The following OR2J3 variants were observed in gnomAD, a reference collection of about 807,000 sequenced individuals.
OR2J3 encodes olfactory receptor family 2 subfamily J member 3, also known as olfactory receptor 2J3.
A neutral mutation model predicts 18.5 loss-of-function variants in OR2J3; 13 were observed. The observed-to-expected ratio is 0.70, with a 90% CI of 0.46 to 1.12. OR2J3 has a LOEUF of 1.12. Ranked by LOEUF, OR2J3 falls within the 50% of genes most tolerant of loss-of-function variation. The probability of loss-of-function intolerance (pLI) is 0.00; values close to 1 mark genes in which losing one functional copy is unlikely to be tolerated. For missense variants in OR2J3, 321 were observed against 371.6 expected (o/e 0.86, Z 1.12); for synonymous variants, 142 against 140.6 (o/e 1.01, Z -0.07).
Position 29,108,824 on chromosome 6 carries a change from G to A in OR2J3, c.-62G>A, listed in dbSNP as rs1257166106. On this transcript the variant is annotated splice_region_variant and 5_prime_UTR_variant, in exon 3 of 4. Coordinates refer to ENST00000641151, the MANE Select transcript of OR2J3 (RefSeq NM_001005216.4). ...AGGCTTTTATTTTCTGCTCCACCAG[G>A]AAGAAGAAAATTAACCCAGAAAAAT... is the stretch of plus-strand genomic sequence containing the variant. The A allele has an allele frequency of 6.6e-6, 1 of 152,096 alleles. No homozygotes were observed. Among genetic ancestry groups the A allele is most frequent in the Non-Finnish European group, 1.5e-5 (1 of 68,014 alleles). The allele number at this position is 152,096 out of a possible 1,614,324, so 9.4% of individuals were successfully genotyped here.
At chr6:29,110,855 T>TTATCTATC (rs9280546) in intron 3 of OR2J3, among the ~76,000 whole-genome samples, 6,518 of 149,210 alleles carry the variant, frequency 0.044, 191 homozygotes, top group East Asian at 0.15. Flanking sequence ...ATCTATCTAT[T>TTATCTATC]TATCTATCTA....
At chr6:29,109,284 T>G (rs753680924) in intron 3 of OR2J3, among the ~76,000 whole-genome samples, 1 of 152,198 alleles carries the variant, frequency 6.6e-6, no homozygotes, top group Non-Finnish European at 1.5e-5. Flanking sequence ...TGGATGGTTG[T>G]TTAAGTTGTT....
chr6:29,109,779 A>C (rs1306658056), intron 3 of OR2J3: 1 of 152,178 alleles, frequency 6.6e-6, no homozygotes, highest in Non-Finnish European at 1.5e-5. Context: ...TTTGTAAGAT[A>C]TATTTTATTT....
At position 29,112,789 on chromosome 6, in the gene OR2J3, TA is replaced by T; in HGVS notation, c.901del (p.Arg301GlufsTer4). The T allele has an allele frequency of 6.2e-7, 1 of 1,613,792 alleles. No individual in the cohort carries two copies. Among genetic ancestry groups the T allele is most frequent in the Non-Finnish European group, 8.5e-7 (1 of 1,179,794 alleles). Reference protein sequence around the residue: ...PLIYTLRNKVVRGAVKRLMGW... With the variant: ...PLIYTLRNKVXRGAVKRLMGW... ...ATCTACACCCTCAGAAACAAAGTTG[TA>T]AGAGGGGCAGTGAAGAGACTAATGG... is the stretch of plus-strand genomic sequence containing the variant. On this transcript the variant is annotated frameshift_variant, in exon 4 of 4. Coordinates refer to ENST00000641151, the MANE Select transcript of OR2J3 (RefSeq NM_001005216.4). LOFTEE classifies it high-confidence loss of function.
Position 29,112,160 on chromosome 6 carries a change from C to G in OR2J3, c.270C>G (p.Gly90=). ...SIPQLLVNLW[G]PEKTISYAGC... ...CTCAGTTGCTGGTCAATCTCTGGGG[C>G]CCGGAAAAGACCATCTCTTATGCTG... The change falls in exon 4 of 4, where the codon GGC becomes GGG. Residue 90 remains glycine, a synonymous_variant. Coordinates refer to ENST00000641151, the MANE Select transcript of OR2J3 (RefSeq NM_001005216.4). 1 of 1,614,122 alleles carries G rather than the reference C, an allele frequency of 6.2e-7. No homozygotes were observed. The highest frequency in any genetic ancestry group is 1.1e-5 in the South Asian group (1 of 91,074).
chr6:29,109,746 G>A (rs1762058132), intron 3 of OR2J3: 2 of 151,998 alleles, frequency 1.3e-5, no homozygotes, highest in South Asian at 4.2e-4. Flanking sequence ...TGGAGAAAAA[G>A]CATCACCTAG....
chr6:29,110,147 T>G (rs1459676662), intron 3 of OR2J3, among the ~76,000 whole-genome samples: 1 of 152,212 alleles, frequency 6.6e-6, no homozygotes, highest in Non-Finnish European at 1.5e-5. Context: ...GTTTGAATCT[T>G]TTCAAATTCA....
In OR2J3 at chr6:29,113,650, A is replaced by T. The variant is rs1279831517; in HGVS notation, c.*824A>T. 1 of 152,176 alleles carries T rather than the reference A, an allele frequency of 6.6e-6. No individual in the cohort carries two copies. The highest frequency in any genetic ancestry group is 1.5e-5 in the Non-Finnish European group (1 of 68,020). 9.4% of individuals were successfully genotyped at this position (152,176 alleles called of 1,614,324 possible). A position where few individuals can be genotyped will look rare whatever the true frequency, so the allele number is the denominator to read the frequency against. ...ATAGAGAGGCTCTGAAAATGACTTG[A>T]AGCCAATGGGTGTATGAAAGAATTA... On this transcript the variant is annotated 3_prime_UTR_variant, in exon 4 of 4. Coordinates refer to ENST00000641151, the MANE Select transcript of OR2J3 (RefSeq NM_001005216.4).
chr6:29,112,061 T>C lies in OR2J3; in HGVS notation c.171T>C (p.His57=). The stretch of plus-strand genomic sequence containing the variant: ...TCATCCTGTCATACCTGGACTCCCA[T>C]CTGCACACACCAATGTACTTCTTCC... ...FIIILSYLDS[H]LHTPMYFFLS... The change falls in exon 4 of 4, where the codon CAT becomes CAC. Residue 57 remains histidine (H), a synonymous_variant. Coordinates refer to ENST00000641151, the MANE Select transcript of OR2J3 (RefSeq NM_001005216.4). 3.1e-6 allele frequency: 5 copies of C among 1,614,112 alleles called. No homozygotes were observed. The highest frequency in any genetic ancestry group is 4.2e-6 in the Non-Finnish European group (5 of 1,180,026).
rs9280546 is a variant in OR2J3 at position 29,110,855 on chromosome 6, TTATCTATCTATCTATC to T, written c.-10-999_-10-984del. Among the ~76,000 whole-genome samples the T allele has an allele frequency of 7.6e-3, 1,132 of 149,254 alleles. 12 individuals are homozygous for T. Among genetic ancestry groups the T allele is most frequent in the South Asian group, 0.045 (208 of 4,656 alleles). ...TATCATCTATCAACTATCTATCTAT[TTATCTATCTATCTATC>T]TATCTATCTATCTATCTATCTATCT... is the stretch of plus-strand genomic sequence containing the variant. On this transcript the variant is annotated intron_variant, in intron 3 of 3. Transcript: ENST00000641151.
In OR2J3 at chr6:29,112,887, C is replaced by G. The variant is rs970926639; in HGVS notation, c.*61C>G. 2.0e-6 allele frequency: 3 copies of G among 1,513,356 alleles called. No homozygotes were observed. The highest frequency in any genetic ancestry group is 2.6e-6 in the Non-Finnish European group (3 of 1,134,324). 93.7% of individuals were successfully genotyped at this position (1,513,356 alleles called of 1,614,324 possible). On this transcript the variant is annotated 3_prime_UTR_variant, in exon 4 of 4. Transcript: ENST00000641151. ...TCTCCCCTCACAATGATTCATCCTT[C>G]TATTTATTTATCAACCATTCTTTTA...
At chr6:29,111,311 A>G (rs1762117846) in intron 3 of OR2J3, among the ~76,000 whole-genome samples, 1 of 152,176 alleles carries the variant, frequency 6.6e-6, no homozygotes, top group South Asian at 2.1e-4. Flanking sequence ...AGTCTTCATT[A>G]TTAGAATTTT....
In OR2J3 at chr6:29,112,782, A is replaced by G. The variant is rs777661564; in HGVS notation, c.892A>G (p.Lys298Glu). ...CCCTCTAATCTACACCCTCAGAAACAAAGTTGTAAGAGGGGCAGTGAAGAG... is the reference window on the plus strand; with the variant it reads ...CCCTCTAATCTACACCCTCAGAAACGAAGTTGTAAGAGGGGCAGTGAAGAG... ...LNPLIYTLRN[K>E]VVRGAVKRLM... Residue 298 changes from lysine to glutamate, a missense_variant, in exon 4 of 4, where the codon AAA (lysine) becomes GAA (glutamate). Coordinates refer to ENST00000641151, the MANE Select transcript of OR2J3 (RefSeq NM_001005216.4). 2.5e-6 allele frequency: 4 copies of G among 1,613,684 alleles called. No individual in the cohort carries two copies. Among genetic ancestry groups the G allele is most frequent in the Non-Finnish European group, 2.5e-6 (3 of 1,179,654 alleles).
chr6:29,108,269 A>T lies in OR2J3; in HGVS notation c.-207A>T, dbSNP rs921008637. ...ATACAGGAAGGACAGAGTGAAAGGC[A>T]TTGTTTGAGTACTGCTTAAGTACTA... On this transcript the variant is annotated 5_prime_UTR_variant, in exon 1 of 4. Coordinates refer to ENST00000641151, the MANE Select transcript of OR2J3 (RefSeq NM_001005216.4). The T allele has an allele frequency of 6.6e-6, 1 of 152,210 alleles. No homozygotes were observed. Among genetic ancestry groups the T allele is most frequent in the Non-Finnish European group, 1.5e-5 (1 of 68,064 alleles). The allele number at this position is 152,210 out of a possible 1,614,324, so 9.4% of individuals were successfully genotyped here.
In OR2J3 at chr6:29,112,100, A is replaced by AT; in HGVS notation, c.213dup (p.Leu72SerfsTer53). On this transcript the variant is annotated frameshift_variant, in exon 4 of 4. Coordinates refer to ENST00000641151, the MANE Select transcript of OR2J3 (RefSeq NM_001005216.4). LOFTEE classifies it high-confidence loss of function. Reference sequence around the variant, plus strand: ...TGTACTTCTTCCTTTCAAACCTCTCATTTCTGGATCTCTGCTACACCACCA... The same window carrying AT: ...TGTACTTCTTCCTTTCAAACCTCTCATTTTCTGGATCTCTGCTACACCACCA... 1 of 1,613,878 alleles carries AT rather than the reference A, an allele frequency of 6.2e-7. No individual in the cohort carries two copies.
chr6:29,111,999 T>G lies in OR2J3; in HGVS notation c.109T>G (p.Phe37Val), dbSNP rs772303980. 1.4e-5 allele frequency: 22 copies of G among 1,614,030 alleles called. No homozygotes were observed. The highest frequency in any genetic ancestry group is 8.9e-5 in the East Asian group (4 of 44,888). The change falls in exon 4 of 4, where the codon TTC (phenylalanine) becomes GTC (valine). Residue 37 changes from phenylalanine to valine, a missense_variant. Transcript: ENST00000641151. ...AGTTATCTTTGTGGTTGTCTTGATCTTCTACTTGATGACACTGATAGGAAA... is the reference window on the plus strand; with the variant it reads ...AGTTATCTTTGTGGTTGTCTTGATCGTCTACTTGATGACACTGATAGGAAA... ...EVVIFVVVLIFYLMTLIGNLF... is the reference protein window; with the variant it reads ...EVVIFVVVLIVYLMTLIGNLF...
Position 29,112,259 on chromosome 6 carries a change from T to C in OR2J3, c.369T>C (p.Tyr123=), listed in dbSNP as rs372914528. ...TECVLLVVMS[Y]DRYAAVCRPL... Reference sequence around the variant, plus strand: ...GTGTCCTACTGGTGGTGATGTCCTATGACCGTTATGCAGCTGTGTGTAGAC... The same window carrying C: ...GTGTCCTACTGGTGGTGATGTCCTACGACCGTTATGCAGCTGTGTGTAGAC... The change falls in exon 4 of 4, where the codon TAT becomes TAC. Residue 123 remains tyrosine (Y), a synonymous_variant. Transcript: ENST00000641151. 8.1e-6 allele frequency: 13 copies of C among 1,614,160 alleles called. No homozygotes were observed. The African/African-American group carries it at 1.6e-4, about 20-fold the overall frequency.
chr6:29,114,698 C>T lies in OR2J3; in HGVS notation c.*1872C>T, dbSNP rs1762267772. ...AATAGATCTCTTGAATTTGTTCCTTCCATCTGAAACTTTGTACCCTTTGAC... is the reference window on the plus strand; with the variant it reads ...AATAGATCTCTTGAATTTGTTCCTTTCATCTGAAACTTTGTACCCTTTGAC... On this transcript the variant is annotated 3_prime_UTR_variant, in exon 4 of 4. Coordinates refer to ENST00000641151, the MANE Select transcript of OR2J3 (RefSeq NM_001005216.4). 6.6e-6 allele frequency: 1 copy of T among 152,070 alleles called. No homozygotes were observed. Among genetic ancestry groups the T allele is most frequent in the Non-Finnish European group, 1.5e-5 (1 of 68,004 alleles). 9.4% of individuals were successfully genotyped at this position (152,070 alleles called of 1,614,324 possible).
intron 3 of OR2J3, among the ~76,000 whole-genome samples, chr6:29,110,281 A>C (rs954074359): frequency 1.6e-4 from 25 of 152,180 alleles, no homozygotes; most frequent in Non-Finnish European, 3.5e-4. Context: ...ACTTGTATTC[A>C]ATTTTTCAGT....
Sources: allele counts gnomAD v4.1 joint callset (sites outside exome capture counted in the v4.1 genomes callset), GRCh38; gene constraint gnomAD v4.1.1; transcripts MANE v1.5; gene names NCBI Gene and HGNC (gene_info 2026-07-23, HGNC 2026-07-21).